The following AGBL4 variants were observed in gnomAD, a reference collection of about 807,000 sequenced individuals.
AGBL4 encodes the protein cytosolic carboxypeptidase 6.
AGBL4 carries 58 observed loss-of-function variants against 66.4 expected under a neutral mutation model. That is an observed-to-expected ratio of 0.87 (90% CI 0.71 to 1.09). The LOEUF (loss-of-function observed/expected upper bound fraction) is 1.09, where lower values mean the gene tolerates loss of function less well. AGBL4 is among the 50% of genes least tolerant of loss of function. AGBL4 has a pLI of 0.00. For synonymous variants in AGBL4, 234 were observed against 222.9 expected (o/e 1.05, Z -0.44); for missense variants, 579 against 631.0 (o/e 0.92, Z 0.88).
chr1:49,925,337 T>C (rs376838835), intron 1 of AGBL4, among the ~76,000 whole-genome samples: 1 of 152,052 alleles, frequency 6.6e-6, no homozygotes, highest in South Asian at 2.1e-4. Context: ...CCTGACAGGA[T>C]TCGCCACGTG....
At chr1:49,056,040 A>C (rs1266445863) in intron 4 of AGBL4, among the ~76,000 whole-genome samples, 1 of 152,134 alleles carries the variant, frequency 6.6e-6, no homozygotes, top group African/African-American at 2.4e-5. Context: ...GACATGCCCC[A>C]AATCTGGGCT....
At position 49,762,816 on chromosome 1, in the gene AGBL4, T is replaced by A. The variant is rs77199722; in HGVS notation, c.158-65379A>T. Among the ~76,000 whole-genome samples the A allele has an allele frequency of 6.8e-3, 1,035 of 152,316 alleles. 9 individuals are homozygous for A. Among genetic ancestry groups the A allele is most frequent in the African/African-American group, 0.024 (996 of 41,560 alleles). ...ATCCTTCTCCCATGCAAATGTTTTC[T>A]CCCATTCTGTAAGTTATCTTTTCAC... On this transcript the variant is annotated intron_variant, in intron 2 of 13. Coordinates refer to ENST00000371839, the MANE Select transcript of AGBL4 (RefSeq NM_032785.4).
chr1:49,845,837 G>T, intron 2 of AGBL4: 1 of 1,488,766 alleles, frequency 6.7e-7, no homozygotes, highest in Non-Finnish European at 9.3e-7. Flanking sequence ...CCGTTCGACT[G>T]CAGTCAGTGT....
intron 3 of AGBL4, among the ~76,000 whole-genome samples, chr1:49,482,926 T>A (rs1215269854): frequency 6.6e-6 from 1 of 152,068 alleles, no homozygotes; most frequent in Non-Finnish European, 1.5e-5. Flanking sequence ...TGTAATTGTA[T>A]GGTTTTGAGT....
In AGBL4 at chr1:49,818,147, T is replaced by C. The variant is rs184214932; in HGVS notation, c.157+33249A>G. ...TTTCAGAAAAAAAAAATTAAACATT[T>C]GGTCACTTAGCTTCCTGGTGGTAAC... On this transcript the variant is annotated intron_variant, in intron 2 of 13. Coordinates refer to ENST00000371839, the MANE Select transcript of AGBL4 (RefSeq NM_032785.4). Among the ~76,000 whole-genome samples the C allele has an allele frequency of 4.9e-4, 74 of 152,262 alleles. 1 individual carries two copies. The East Asian group carries it at 0.01, about 21-fold the overall frequency.
At chr1:49,574,831 T>C (rs1008695794) in intron 3 of AGBL4, among the ~76,000 whole-genome samples, 4 of 151,960 alleles carry the variant, frequency 2.6e-5, no homozygotes, top group Non-Finnish European at 5.9e-5. Flanking sequence ...ATGATGTTCC[T>C]AGAAATTGAT....
At chr1:49,641,626 C>T (rs940104008) in intron 3 of AGBL4, among the ~76,000 whole-genome samples, 1 of 151,904 alleles carries the variant, frequency 6.6e-6, no homozygotes, top group Non-Finnish European at 1.5e-5. Context: ...GATTTTTGTT[C>T]TCCATTTTCT....
rs1225855728 is a variant in AGBL4, at chr1:49,192,130, A to T, written c.377+53640T>A. ...CCTCACCAGCATCTGTTATTTTTTG[A>T]CTTTTTAATCCTAGCCATTCTAATT... On this transcript the variant is annotated intron_variant, in intron 4 of 13. Coordinates refer to ENST00000371839, the MANE Select transcript of AGBL4 (RefSeq NM_032785.4). Among the ~76,000 whole-genome samples, 3 of 151,832 alleles carry T rather than the reference A, an allele frequency of 2.0e-5. No individual in the cohort carries two copies. In the East Asian group the frequency reaches 5.8e-4, roughly 29 times the overall value.
intron 3 of AGBL4, among the ~76,000 whole-genome samples, chr1:49,679,639 C>A (rs142768741): frequency 6.0e-4 from 92 of 152,118 alleles, no homozygotes; most frequent in African/African-American, 2.1e-3. Flanking sequence ...ATTCATGTCT[C>A]CATTTACTTT....
intron 3 of AGBL4, among the ~76,000 whole-genome samples, chr1:49,314,749 A>C (rs922561593): frequency 6.6e-6 from 1 of 152,100 alleles, no homozygotes; most frequent in African/African-American, 2.4e-5. Flanking sequence ...CATACCCAGC[A>C]ATGAGATTGC....
intron 3 of AGBL4, among the ~76,000 whole-genome samples, chr1:49,476,168 A>G (rs1051984502): frequency 1.3e-4 from 20 of 152,016 alleles, no homozygotes; most frequent in African/African-American, 4.6e-4. Flanking sequence ...CTAAATCTTG[A>G]TGTTTACCCA....
chr1:48,915,345 C>G lies in AGBL4; in HGVS notation c.595-48115G>C, dbSNP rs1180936828. 2.0e-5 allele frequency among the ~76,000 whole-genome samples: 3 copies of G among 152,188 alleles called. No homozygotes were observed. In the East Asian group the frequency reaches 5.8e-4, roughly 29 times the overall value. On this transcript the variant is annotated intron_variant, in intron 5 of 13. Coordinates refer to ENST00000371839, the MANE Select transcript of AGBL4 (RefSeq NM_032785.4). ...TCCTTCAAGGCCAGCTCAAATGCCACTGTCTTTGGGAAATTTTTGGTCTTC... is the reference window on the plus strand; with the variant it reads ...TCCTTCAAGGCCAGCTCAAATGCCAGTGTCTTTGGGAAATTTTTGGTCTTC...
intron 1 of AGBL4, among the ~76,000 whole-genome samples, chr1:49,881,494 G>A (rs1647297706): frequency 6.6e-6 from 1 of 150,918 alleles, no homozygotes. Flanking sequence ...CTAGTTTACA[G>A]TCCCACCAAC....
At chr1:49,646,083 G>C (rs1307068841) in intron 3 of AGBL4, among the ~76,000 whole-genome samples, 1 of 151,744 alleles carries the variant, frequency 6.6e-6, no homozygotes, top group Non-Finnish European at 1.5e-5. Context: ...TTTGACAAAA[G>C]ACAGAAGGCT....
chr1:49,198,746 G>A (rs551066359), intron 4 of AGBL4, among the ~76,000 whole-genome samples: 37 of 144,224 alleles, frequency 2.6e-4, no homozygotes, highest in Non-Finnish European at 4.9e-4. Flanking sequence ...AAAAACTTGC[G>A]TTTTTTTTTT....
chr1:49,916,276 A>G (rs1571863711), intron 1 of AGBL4, among the ~76,000 whole-genome samples: 1 of 152,156 alleles, frequency 6.6e-6, no homozygotes, highest in African/African-American at 2.4e-5. Flanking sequence ...TCAGACAATC[A>G]AAGTTCTCCA....
Position 49,818,600 on chromosome 1 carries a change from C to T in AGBL4, c.157+32796G>A, listed in dbSNP as rs976418161. On this transcript the variant is annotated intron_variant, in intron 2 of 13. Coordinates refer to ENST00000371839, the MANE Select transcript of AGBL4 (RefSeq NM_032785.4). ...CAGGCTGCTCTTGAACTCCTGGGCTCAGGTGATCCTCCTGCCTTGGCATCC... is the reference window on the plus strand; with the variant it reads ...CAGGCTGCTCTTGAACTCCTGGGCTTAGGTGATCCTCCTGCCTTGGCATCC... 7.2e-5 allele frequency among the ~76,000 whole-genome samples: 11 copies of T among 152,156 alleles called. No homozygotes were observed. The East Asian group carries it at 2.1e-3, about 29-fold the overall frequency.
chr1:49,920,813 T>C (rs912610954), intron 1 of AGBL4, among the ~76,000 whole-genome samples: 2 of 152,222 alleles, frequency 1.3e-5, no homozygotes, highest in Non-Finnish European at 2.9e-5. Context: ...GCAGCACTAT[T>C]CACAATAGCA....
At chr1:49,580,007 T>A (rs1644510831) in intron 3 of AGBL4, among the ~76,000 whole-genome samples, 1 of 152,194 alleles carries the variant, frequency 6.6e-6, no homozygotes, top group Non-Finnish European at 1.5e-5. Context: ...TGGGTGCATA[T>A]GTAGCTAGGG....
Sources: gnomAD v4.1 joint callset for allele counts (sites outside exome capture counted in the v4.1 genomes callset) on GRCh38, gnomAD v4.1.1 for gene constraint, MANE v1.5 for transcripts, NCBI Gene and HGNC (gene_info 2026-07-23, HGNC 2026-07-21) for gene names.